The following ADAMTS19 variants were observed in gnomAD, a reference collection of about 807,000 sequenced individuals.
ADAMTS19 encodes the protein ADAM metallopeptidase with thrombospondin type 1 motif 19, also known as A disintegrin and metalloproteinase with thrombospondin motifs 19.
In ADAMTS19, 93 loss-of-function variants were observed where a neutral mutation model predicts 153.3. The observed-to-expected ratio is 0.61, with a 90% CI of 0.51 to 0.72. The LOEUF (loss-of-function observed/expected upper bound fraction) is 0.72. Among genes scored for constraint, ADAMTS19 ranks in the 30% least tolerant of loss-of-function variants. The pLI, the probability that ADAMTS19 is intolerant of heterozygous loss-of-function variation, is 0.00. For synonymous variants in ADAMTS19, 600 were observed against 556.6 expected, an observed-to-expected ratio of 1.08 and a Z score of -1.10; for missense variants, 1,482 against 1,552.1, an observed-to-expected ratio of 0.95 and a Z score of 0.76.
chr5:129,694,628 TA>T, intron 18 of ADAMTS19, 91 bp from the exon 19 acceptor site: 1 of 970,614 alleles, frequency 1.0e-6, no homozygotes, highest in Non-Finnish European at 1.3e-6. Context: ...GTTTTTTAAA[TA>T]AAAAATAAGC....
intron 2 of ADAMTS19, among the ~76,000 whole-genome samples, chr5:129,471,437 G>T (rs1750062328): frequency 7.5e-6 from 1 of 134,176 alleles, no homozygotes; most frequent in African/African-American, 3.5e-5. Context: ...AGAAAGGAAG[G>T]AAAGAAAGAA....
At chr5:129,528,483 A>T (rs1019112335) in intron 5 of ADAMTS19, 37 bp from the exon 6 acceptor site, 4 of 1,498,008 alleles carry the variant, frequency 2.7e-6, no homozygotes, top group Admixed American at 2.5e-5. Flanking sequence ...TATACCTAAG[A>T]ATAATATGCC....
rs150646646 is a variant in ADAMTS19, at chr5:129,648,413, G to A, written c.2004-385G>A. ...AGCTTTAAACTCTATTGGTGTAGAG[G>A]TCACATGCAGTCTTAAAGAATTTAT... On this transcript the variant is annotated intron_variant, in intron 12 of 22. Coordinates refer to ENST00000274487, the MANE Select transcript of ADAMTS19 (RefSeq NM_133638.6). 2.3e-3 allele frequency among the ~76,000 whole-genome samples: 353 copies of A among 152,174 alleles called. 1 individual carries two copies. Among genetic ancestry groups the A allele is most frequent in the African/African-American group, 7.4e-3 (309 of 41,510 alleles).
intron 6 of ADAMTS19, among the ~76,000 whole-genome samples, chr5:129,541,446 G>C (rs1363925301): frequency 6.6e-6 from 1 of 151,832 alleles, no homozygotes; most frequent in African/African-American, 2.4e-5. Context: ...TATACTTAGT[G>C]ATTCTTGACC....
rs571255506 is a variant in ADAMTS19, at chr5:129,675,130, T to TA, written c.2507-4633dup. ...ATATCCAGTGAATTGTTAAATCTTT[T>TA]ACCCCTGTTTTAACGTGCTTTTTTC... On this transcript the variant is annotated intron_variant, in intron 16 of 22. Coordinates refer to ENST00000274487, the MANE Select transcript of ADAMTS19 (RefSeq NM_133638.6). Among the ~76,000 whole-genome samples, 43 of 152,340 alleles carry TA rather than the reference T, an allele frequency of 2.8e-4. No homozygotes were observed. In the South Asian group the frequency reaches 4.8e-3, roughly 17 times the overall value.
intron 8 of ADAMTS19, among the ~76,000 whole-genome samples, chr5:129,599,359 A>G (rs961350351): frequency 1.3e-5 from 2 of 152,164 alleles, no homozygotes; most frequent in African/African-American, 4.8e-5. Flanking sequence ...GTCATCATAA[A>G]TATAATTCTC....
At chr5:129,700,889 T>C (rs992287652) in intron 19 of ADAMTS19, among the ~76,000 whole-genome samples, 1 of 151,458 alleles carries the variant, frequency 6.6e-6, no homozygotes, top group African/African-American at 2.4e-5. Flanking sequence ...TGCAGAAAAC[T>C]ATTGTGTTTG....
At chr5:129,558,127 ATCT>A (rs1753376545) in intron 7 of ADAMTS19, among the ~76,000 whole-genome samples, 1 of 152,146 alleles carries the variant, frequency 6.6e-6, no homozygotes, top group Non-Finnish European at 1.5e-5. Flanking sequence ...ACTTGTAAAT[ATCT>A]TTCCTTTTAA....
intron 13 of ADAMTS19, among the ~76,000 whole-genome samples, chr5:129,651,870 A>G (rs935690961): frequency 3.9e-5 from 6 of 152,218 alleles, no homozygotes; most frequent in Admixed American, 1.3e-4. Flanking sequence ...ATAAAAATAT[A>G]ATCAATATGA....
chr5:129,612,219 C>T (rs186104975), intron 8 of ADAMTS19, among the ~76,000 whole-genome samples: 826 of 147,702 alleles, frequency 5.6e-3, no homozygotes, highest in Middle Eastern at 0.021. Flanking sequence ...TGAGAACATA[C>T]GGTGTTTGGT....
chr5:129,630,385 G>A (rs1447005902), intron 10 of ADAMTS19, among the ~76,000 whole-genome samples: 1 of 152,064 alleles, frequency 6.6e-6, no homozygotes, highest in Non-Finnish European at 1.5e-5. Context: ...CAGTAATGAA[G>A]ACAATGTGGT....
intron 17 of ADAMTS19, among the ~76,000 whole-genome samples, chr5:129,682,996 G>A (rs2525487): frequency 0.94 from 142,855 of 152,102 alleles, 67,212 homozygotes; most frequent in East Asian, 1. Flanking sequence ...CTATCATTAC[G>A]ACTACCTTGA....
intron 21 of ADAMTS19, among the ~76,000 whole-genome samples, chr5:129,709,322 C>T (rs1756327908): frequency 2.0e-5 from 3 of 151,528 alleles, no homozygotes; most frequent in African/African-American, 4.9e-5. Flanking sequence ...GGGAACAATG[C>T]TTTGGCTGAA....
At chr5:129,515,379 T>C (rs546476585) in intron 3 of ADAMTS19, among the ~76,000 whole-genome samples, 3 of 152,132 alleles carry the variant, frequency 2.0e-5, no homozygotes, top group African/African-American at 7.2e-5. Flanking sequence ...GTAGATTGCT[T>C]TGAGTAGTAT....
rs1235116462 is a variant in ADAMTS19 at position 129,608,114 on chromosome 5, G to GTATATATATA, written c.1478+11451_1478+11452insATATATATAT. Among the ~76,000 whole-genome samples, 78 of 28,720 alleles carry GTATATATATA rather than the reference G, an allele frequency of 2.7e-3. 1 individual carries two copies. Among genetic ancestry groups the GTATATATATA allele is most frequent in the South Asian group, 3.7e-3 (2 of 536 alleles). 18.8% of individuals were successfully genotyped at this position (28,720 alleles called of 152,430 possible). A position where few individuals can be genotyped will look rare whatever the true frequency, so the allele number is the denominator to read the frequency against. On this transcript the variant is annotated intron_variant, in intron 8 of 22. Coordinates refer to ENST00000274487, the MANE Select transcript of ADAMTS19 (RefSeq NM_133638.6). ...TATGTGTGTGTGTGTGTGTGTGTGT[G>GTATATATATA]TGTATATATATATATATATATATAT... is the stretch of plus-strand genomic sequence containing the variant.
intron 6 of ADAMTS19, 71 bp downstream of exon 6, chr5:129,528,748 T>A: frequency 1.7e-6 from 2 of 1,208,928 alleles, no homozygotes; most frequent in Non-Finnish European, 1.1e-6. Context: ...ATTAATCCCT[T>A]AATAGATAAT....
chr5:129,464,745 T>C (rs907864738), intron 2 of ADAMTS19, among the ~76,000 whole-genome samples: 7 of 152,234 alleles, frequency 4.6e-5, no homozygotes, highest in African/African-American at 1.7e-4. Context: ...CTGGATCTCA[T>C]ATCTGGATCT....
At chr5:129,526,961 G>A (rs772899276) in intron 4 of ADAMTS19, among the ~76,000 whole-genome samples, 6 of 151,736 alleles carry the variant, frequency 4.0e-5, no homozygotes, top group Non-Finnish European at 7.4e-5. Context: ...ATTATGATGC[G>A]ATATAAAAAT....
At chr5:129,732,870 A>G (rs1757501619) in intron 21 of ADAMTS19, among the ~76,000 whole-genome samples, 1 of 152,126 alleles carries the variant, frequency 6.6e-6, no homozygotes, top group Admixed American at 6.6e-5. Flanking sequence ...AATCCTAAGT[A>G]AAGAACAAAG....
Sources: allele counts gnomAD v4.1 joint callset (sites outside exome capture counted in the v4.1 genomes callset), GRCh38; gene constraint gnomAD v4.1.1; transcripts MANE v1.5; gene names NCBI Gene and HGNC (gene_info 2026-07-23, HGNC 2026-07-21).